The following PCSK5 variants were observed in gnomAD, a reference collection of about 807,000 sequenced individuals.
The protein encoded by PCSK5 is prohormone convertase 5.
Under a neutral mutation model 233.2 loss-of-function variants are expected in PCSK5, and 129 were observed. The ratio of observed to expected loss-of-function variants is 0.55; its 90% CI spans 0.48 to 0.64. The LOEUF (loss-of-function observed/expected upper bound fraction) is 0.64. Ranked by LOEUF, PCSK5 falls within the 30% of genes least tolerant of loss-of-function variation. PCSK5 has a pLI of 0.00. For missense variants in PCSK5, 2,076 were observed against 2,430.1 expected (o/e 0.85, Z 3.06); for synonymous variants, 825 against 879.2 (o/e 0.94, Z 1.09).
intron 17 of PCSK5, among the ~76,000 whole-genome samples, chr9:76,185,145 C>CCTTAT (rs1824041919): frequency 6.6e-6 from 1 of 152,126 alleles, no homozygotes; most frequent in Non-Finnish European, 1.5e-5. Flanking sequence ...GAAATTATTC[C>CCTTAT]CTTATCTTTA....
intron 4 of PCSK5, among the ~76,000 whole-genome samples, chr9:76,025,399 A>G (rs1340331506): frequency 7.5e-6 from 1 of 133,630 alleles, no homozygotes; most frequent in East Asian, 2.1e-4. Flanking sequence ...AAAAAAAATG[A>G]GGAGAGAGAG....
intron 9 of PCSK5, among the ~76,000 whole-genome samples, chr9:76,133,036 A>G (rs74761528): frequency 0.018 from 2,808 of 152,112 alleles, 80 homozygotes; most frequent in African/African-American, 0.064. Flanking sequence ...TACAAAAGAG[A>G]GTGCAGAAAG....
rs928028121 is a variant in PCSK5, at chr9:76,225,521, G to A, written c.2627-1982G>A. Among the ~76,000 whole-genome samples, 43 of 152,282 alleles carry A rather than the reference G, an allele frequency of 2.8e-4. 1 individual carries two copies. The highest frequency in any genetic ancestry group is 2.7e-3 in the Admixed American group (41 of 15,298). On this transcript the variant is annotated intron_variant, in intron 20 of 37. Transcript: ENST00000674117. ...TAGGCAAGGTCTGCTTCTTCCCACT[G>A]AGTCTGCCTTGGGTCCTCTGCTCTT... is the stretch of plus-strand genomic sequence containing the variant.
intron 24 of PCSK5, among the ~76,000 whole-genome samples, chr9:76,265,377 T>A (rs1564144188): frequency 6.6e-6 from 1 of 151,722 alleles, no homozygotes; most frequent in East Asian, 1.9e-4. Context: ...TCTGCACATA[T>A]ACCACCTGAA....
intron 31 of PCSK5, 89 bp from the exon 32 acceptor site, chr9:76,322,963 A>C (rs964733769): frequency 1.4e-5 from 10 of 716,140 alleles, no homozygotes; most frequent in Non-Finnish European, 1.9e-5. Flanking sequence ...AATCAACCAA[A>C]GTGCTGAGGG....
intron 3 of PCSK5, among the ~76,000 whole-genome samples, chr9:76,007,560 T>A (rs58478659): frequency 0.14 from 21,867 of 151,900 alleles, 3,389 homozygotes; most frequent in African/African-American, 0.39. Flanking sequence ...ATTTGGAGGG[T>A]GTGAGAGGAG....
chr9:76,257,736 C>A (rs980246087), intron 24 of PCSK5, among the ~76,000 whole-genome samples: 1 of 152,126 alleles, frequency 6.6e-6, no homozygotes, highest in Non-Finnish European at 1.5e-5. Context: ...ACCCTTTGGC[C>A]AAGTACCCCA....
chr9:76,325,448 A>G (rs1462889811), intron 32 of PCSK5, among the ~76,000 whole-genome samples: 1 of 152,166 alleles, frequency 6.6e-6, no homozygotes, highest in Non-Finnish European at 1.5e-5. Flanking sequence ...CAACATTCTA[A>G]TTCCTTCTCC....
intron 8 of PCSK5, 34 bp from the exon 9 acceptor site, chr9:76,107,217 C>T: frequency 1.4e-6 from 2 of 1,431,644 alleles, no homozygotes; most frequent in Non-Finnish European, 2.0e-6. Flanking sequence ...TCACATTGGC[C>T]TCAGAAATCT....
chr9:75,999,066 A>T (rs966266082), intron 3 of PCSK5, among the ~76,000 whole-genome samples: 4 of 152,026 alleles, frequency 2.6e-5, no homozygotes, highest in East Asian at 1.9e-4. Context: ...TTATTTATTT[A>T]TTTTTTTATT....
chr9:76,271,293 G>A (rs905426581), intron 24 of PCSK5, among the ~76,000 whole-genome samples: 14 of 152,072 alleles, frequency 9.2e-5, no homozygotes, highest in African/African-American at 2.7e-4. Context: ...TCTGAACTGC[G>A]AACTTCCTAA....
intron 37 of PCSK5, among the ~76,000 whole-genome samples, chr9:76,355,166 T>A (rs1339640757): frequency 1.3e-5 from 2 of 152,150 alleles, no homozygotes; most frequent in Non-Finnish European, 2.9e-5. Flanking sequence ...TCAAACTGAC[T>A]GATTCCTTCT....
At chr9:76,316,381 G>A (rs1194653280) in intron 30 of PCSK5, among the ~76,000 whole-genome samples, 4 of 151,944 alleles carry the variant, frequency 2.6e-5, no homozygotes, top group Non-Finnish European at 5.9e-5. Flanking sequence ...CTTTGGGTGA[G>A]GTCAAATTCT....
intron 30 of PCSK5, among the ~76,000 whole-genome samples, 162 bp downstream of exon 30, chr9:76,311,013 C>T (rs978400651): frequency 1.3e-5 from 2 of 152,200 alleles, no homozygotes; most frequent in African/African-American, 4.8e-5. Flanking sequence ...GCAGCCAAAA[C>T]TTACATGAGG....
At chr9:76,058,190 A>G (rs1829893899) in intron 5 of PCSK5, among the ~76,000 whole-genome samples, 1 of 152,144 alleles carries the variant, frequency 6.6e-6, no homozygotes, top group South Asian at 2.1e-4. Flanking sequence ...GTGGGACACC[A>G]AGAGAATTTC....
chr9:76,059,726 G>GAC (rs1829957174), intron 5 of PCSK5, among the ~76,000 whole-genome samples: 1 of 152,004 alleles, frequency 6.6e-6, no homozygotes, highest in African/African-American at 2.4e-5. Context: ...TGAGGAATTA[G>GAC]ACTTTATAAC....
chr9:76,165,101 AC>A (rs1280457484), intron 12 of PCSK5, among the ~76,000 whole-genome samples: 3 of 152,198 alleles, frequency 2.0e-5, no homozygotes, highest in Non-Finnish European at 2.9e-5. Flanking sequence ...TTTAAAACTT[AC>A]AAAAACCAAA....
intron 1 of PCSK5, among the ~76,000 whole-genome samples, chr9:75,906,427 A>G (rs972449817): frequency 3.3e-5 from 5 of 152,024 alleles, no homozygotes; most frequent in South Asian, 2.1e-4. Context: ...GGGTTTCTCT[A>G]TGTTGGTCAG....
At chr9:76,037,252 G>A (rs190397910) in intron 5 of PCSK5, among the ~76,000 whole-genome samples, 2 of 152,164 alleles carry the variant, frequency 1.3e-5, no homozygotes, top group East Asian at 3.9e-4. Flanking sequence ...CCAAACAAAG[G>A]AAAGGGAAAA....
Sources: allele counts gnomAD v4.1 joint callset (sites outside exome capture counted in the v4.1 genomes callset), GRCh38; gene constraint gnomAD v4.1.1; transcripts MANE v1.5; gene names NCBI Gene and HGNC (gene_info 2026-07-23, HGNC 2026-07-21).